The following DMD variants were observed in gnomAD, a reference collection of about 807,000 sequenced individuals.
DMD encodes the protein mutant dystrophin.
In DMD, 63 loss-of-function variants were observed where a neutral mutation model predicts 330.1. That is an observed-to-expected ratio of 0.19 (90% CI 0.16 to 0.24). DMD has a LOEUF of 0.24. Among genes scored for constraint, DMD ranks in the 10% least tolerant of loss-of-function variants. DMD has a pLI of 1.00. For synonymous variants in DMD, 1,223 were observed against 959.8 expected (o/e 1.27, Z -5.07); for missense variants, 3,344 against 2,684.1 (o/e 1.25, Z -5.43).
chrX:31,437,683 G>T (rs60683964), intron 60 of DMD, among the ~76,000 whole-genome samples: 8,994 of 109,449 alleles, frequency 0.082, 323 homozygotes, highest in East Asian at 0.24. Flanking sequence ...CATAATAAAT[G>T]AGTGAAATTC....
Position 32,322,383 on chromosome X carries a change from A to T in DMD, c.5923-12107T>A, listed in dbSNP as rs541196074. On this transcript the variant is annotated intron_variant, in intron 41 of 78. Transcript: ENST00000357033. ...AGACCAGCCTGGGCAACATAATGAC[A>T]CATCATCTCTACAAACAAATGTTTT... 2.4e-3 allele frequency among the ~76,000 whole-genome samples: 269 copies of T among 110,676 alleles called. 1 individual carries two copies. The highest frequency in any genetic ancestry group is 0.013 in the South Asian group (33 of 2,591).
chrX:32,821,635 T>C (rs750942282), intron 5 of DMD, among the ~76,000 whole-genome samples: 20 of 109,705 alleles, frequency 1.8e-4, no homozygotes, highest in Non-Finnish European at 3.6e-4. Context: ...AAAATTCAAG[T>C]TTACCGAATG....
chrX:32,284,605 C>T (rs751790273), intron 43 of DMD, among the ~76,000 whole-genome samples: 49 of 111,968 alleles, frequency 4.4e-4, no homozygotes, highest in African/African-American at 1.6e-3. Flanking sequence ...AGATAATCCT[C>T]ATAACAACCC....
rs2078037717 is a variant in DMD, at chrX:32,819,449, C to G, written c.358-2809G>C. On this transcript the variant is annotated intron_variant, in intron 5 of 78. Coordinates refer to ENST00000357033, the MANE Select transcript of DMD (RefSeq NM_004006.3). ...AGCTGGTTGCCAGAGCCAAGTTTAG[C>G]ACTCCGAAAAAAAAAGAATTGCACT... Among the ~76,000 whole-genome samples, 4 of 110,414 alleles carry G rather than the reference C, an allele frequency of 3.6e-5. No homozygotes were observed. In the Admixed American group the frequency reaches 3.9e-4, roughly 11 times the overall value.
At chrX:31,829,634 T>C (rs1022236255) in intron 49 of DMD, among the ~76,000 whole-genome samples, 1 of 107,454 alleles carries the variant, frequency 9.3e-6, no homozygotes, top group Admixed American at 9.8e-5. Flanking sequence ...GGAAAAATAA[T>C]GTATTTGTTT....
At chrX:32,431,540 G>T (rs1224350376) in intron 29 of DMD, among the ~76,000 whole-genome samples, 1 of 110,349 alleles carries the variant, frequency 9.1e-6, no homozygotes, top group Non-Finnish European at 1.9e-5. Context: ...ATTACCTATT[G>T]TTCACATCTT....
chrX:31,833,359 A>AAGAGGGAAAGAGAGAG lies in DMD; in HGVS notation c.7200+3358_7200+3359insCTCTCTCTTTCCCTCT, dbSNP rs367586796. ...GAGAGAGTGGAGAGGGAGGGAGGGA[A>AAGAGGGAAAGAGAGAG]AGAGAGAGAGAGAGAGAGAGAGACA... is the stretch of plus-strand genomic sequence containing the variant. On this transcript the variant is annotated intron_variant, in intron 49 of 78. Coordinates refer to ENST00000357033, the MANE Select transcript of DMD (RefSeq NM_004006.3). Among the ~76,000 whole-genome samples the AAGAGGGAAAGAGAGAG allele has an allele frequency of 1.2e-3, 60 of 50,449 alleles. 1 individual carries two copies. The highest frequency in any genetic ancestry group is 4.9e-3 in the African/African-American group (59 of 12,099). 43.8% of individuals were successfully genotyped at this position (50,449 alleles called of 115,157 possible). A position where few individuals can be genotyped will look rare whatever the true frequency, so the allele number is the denominator to read the frequency against.
chrX:33,087,812 T>C (rs1247289256), intron 1 of DMD, among the ~76,000 whole-genome samples: 2 of 111,926 alleles, frequency 1.8e-5, no homozygotes, highest in African/African-American at 6.5e-5. Context: ...ATGATGTAGC[T>C]ACCCTCACCT....
chrX:32,719,809 T>A (rs1316658551), intron 7 of DMD, among the ~76,000 whole-genome samples: 1 of 110,469 alleles, frequency 9.1e-6, no homozygotes, highest in Non-Finnish European at 1.9e-5. Context: ...TGCAGTTATT[T>A]CCCAGAATAC....
chrX:31,541,492 C>A (rs1246305891), intron 55 of DMD, among the ~76,000 whole-genome samples: 1 of 85,165 alleles, frequency 1.2e-5, no homozygotes, highest in African/African-American at 4.0e-5. Context: ...TCCCCCCTCC[C>A]CCCACCCCAC....
chrX:31,306,974 A>G lies in DMD; in HGVS notation c.9224+16624T>C, dbSNP rs904696597. On this transcript the variant is annotated intron_variant, in intron 62 of 78. Transcript: ENST00000357033. ...TGCTTTTTTTCTGATGTTTTACTGA[A>G]TTAATTCTATAGTTTCCAGGCCACG... Among the ~76,000 whole-genome samples, 4 of 110,925 alleles carry G rather than the reference A, an allele frequency of 3.6e-5. No individual in the cohort carries two copies. The Admixed American group carries it at 3.9e-4, about 11-fold the overall frequency.
intron 62 of DMD, among the ~76,000 whole-genome samples, chrX:31,291,121 T>G (rs1170753163): frequency 1.8e-5 from 2 of 112,208 alleles, no homozygotes; most frequent in Non-Finnish European, 3.8e-5. Context: ...TGAATTATAT[T>G]ATTTGAAAAT....
chrX:32,675,552 G>A (rs182973602), intron 9 of DMD, among the ~76,000 whole-genome samples: 2 of 111,290 alleles, frequency 1.8e-5, no homozygotes, highest in Admixed American at 1.9e-4. Context: ...TCCACTTTTA[G>A]TAAATCATGA....
chrX:31,725,107 C>T (rs959964637), intron 52 of DMD, among the ~76,000 whole-genome samples: 26 of 111,574 alleles, frequency 2.3e-4, no homozygotes, highest in Non-Finnish European at 4.0e-4. Context: ...TGATGTGCCT[C>T]GGGCTTTAAA....
chrX:32,566,999 G>A (rs183125774), intron 15 of DMD, among the ~76,000 whole-genome samples: 8 of 112,025 alleles, frequency 7.1e-5, no homozygotes, highest in African/African-American at 2.6e-4. Context: ...AGAGCAAATT[G>A]TCATGACACA....
At chrX:31,612,935 G>A (rs970644158) in intron 55 of DMD, among the ~76,000 whole-genome samples, 26 of 112,145 alleles carry the variant, frequency 2.3e-4, no homozygotes, top group Non-Finnish European at 1.7e-4. Flanking sequence ...GTATACTGGT[G>A]TATCTCCAAT....
At position 33,254,754 on chromosome X, in the gene DMD, T is replaced by C. The variant is rs755255363; in HGVS notation, c.7+84505A>G. On this transcript the variant is annotated intron_variant, in intron 1 of 17. Coordinates refer to the DMD transcript ENST00000288447. ...GAAAAACCCAAAATTTGGACAAGAT[T>C]GAGGAACAAAGGTGGTTTTGGATAA... 1.5e-4 allele frequency among the ~76,000 whole-genome samples: 17 copies of C among 110,545 alleles called. No individual in the cohort carries two copies. The South Asian group carries it at 6.3e-3, about 41-fold the overall frequency.
chrX:33,220,400 G>A (rs2052152868), intron 1 of DMD, among the ~76,000 whole-genome samples: 3 of 111,712 alleles, frequency 2.7e-5, no homozygotes, highest in South Asian at 3.7e-4. Context: ...TAGATCCTAC[G>A]CAATGTAGCC....
chrX:32,843,664 T>C (rs1269096547), intron 4 of DMD, among the ~76,000 whole-genome samples: 1 of 112,231 alleles, frequency 8.9e-6, no homozygotes, highest in Non-Finnish European at 1.9e-5. Flanking sequence ...GTACTCAATG[T>C]ACTTGAGTTT....
Sources: gnomAD v4.1 joint callset for allele counts (sites outside exome capture counted in the v4.1 genomes callset) on GRCh38, gnomAD v4.1.1 for gene constraint, MANE v1.5 for transcripts, NCBI Gene and HGNC (gene_info 2026-07-23, HGNC 2026-07-21) for gene names.